DENND4C: variants seen among roughly 807,000 people sequenced by gnomAD.
The protein encoded by DENND4C is DENN domain-containing protein 4C.
DENND4C carries 108 observed loss-of-function variants against 203.0 expected under a neutral mutation model. The observed-to-expected ratio is 0.53, with a 90% confidence interval of 0.46 to 0.62. The LOEUF (loss-of-function observed/expected upper bound fraction) is 0.62, where lower values mean the gene tolerates loss of function less well. Among genes scored for constraint, DENND4C ranks in the 20% least tolerant of loss-of-function variants. DENND4C has a pLI of 0.00. For synonymous variants in DENND4C, 871 were observed against 792.4 expected (o/e 1.10, Z -1.67); for missense variants, 2,481 against 2,301.2 (o/e 1.08, Z -1.60).
intron 10 of DENND4C, among the ~76,000 whole-genome samples, chr9:19,314,578 T>C (rs930162907): frequency 6.6e-6 from 1 of 151,958 alleles, no homozygotes; most frequent in Non-Finnish European, 1.5e-5. Flanking sequence ...TAAAAAACAT[T>C]GACATATTTT....
intron 1 of DENND4C, among the ~76,000 whole-genome samples, chr9:19,234,237 A>AT (rs928884517): frequency 3.9e-4 from 58 of 147,326 alleles, no homozygotes; most frequent in African/African-American, 1.1e-3. Flanking sequence ...ATTTTTATTA[A>AT]TTTTTTTTTT....
At chr9:19,286,703 T>C (rs1835284119) in intron 2 of DENND4C, 66 bp from the exon 3 acceptor site, 5 of 1,170,906 alleles carry the variant, frequency 4.3e-6, no homozygotes, top group African/African-American at 1.6e-5. Flanking sequence ...ATGTACTATA[T>C]ATATGTACAT....
At chr9:19,272,081 C>G (rs1831812826) in intron 1 of DENND4C, among the ~76,000 whole-genome samples, 1 of 151,856 alleles carries the variant, frequency 6.6e-6, no homozygotes, top group South Asian at 2.1e-4. Context: ...GGTATGAAAT[C>G]ATTACAGTGG....
chr9:19,231,857 C>T (rs1038523357), intron 1 of DENND4C, among the ~76,000 whole-genome samples: 6 of 151,682 alleles, frequency 4.0e-5, no homozygotes, highest in Non-Finnish European at 5.9e-5. Context: ...AGGCGTTCTT[C>T]CTAGGCCCTA....
At chr9:19,286,034 AAC>A (rs1312969376) in intron 2 of DENND4C, among the ~76,000 whole-genome samples, 1 of 152,208 alleles carries the variant, frequency 6.6e-6, no homozygotes, top group Non-Finnish European at 1.5e-5. Flanking sequence ...GACAAGAAAA[AAC>A]AAAAGCAGCT....
In DENND4C at chr9:19,326,132, T is replaced by C. The variant is rs1006538986; in HGVS notation, c.2058T>C (p.Thr686=). The stretch of plus-strand genomic sequence containing the variant: ...ATGATTCACAGAAAAGTGAGCATAC[T>C]GTATTTATAATGCCGCCAGAGCCAC... ...ELDDSQKSEH[T]VFIMPPEPPP... Residue 686 remains threonine (T), a synonymous_variant, in exon 15 of 33, where the codon ACT becomes ACC. Transcript: ENST00000434457. The C allele has an allele frequency of 3.7e-6, 6 of 1,613,464 alleles. No individual in the cohort carries two copies. Among genetic ancestry groups the C allele is most frequent in the Admixed American group, 1.7e-5 (1 of 59,966 alleles).
In DENND4C at chr9:19,319,341, T is replaced by C. The variant is rs796854316; in HGVS notation, c.1807+2502T>C. 1.8e-3 allele frequency among the ~76,000 whole-genome samples: 73 copies of C among 39,592 alleles called. 1 individual carries two copies. In the South Asian group the frequency reaches 0.031, roughly 17 times the overall value. 26.0% of individuals were successfully genotyped at this position (39,592 alleles called of 152,430 possible). Reference sequence around the variant, plus strand: ...ACATATATATACATATATATACACATATATATATACTTATATATACACACA... The same window carrying C: ...ACATATATATACATATATATACACACATATATATACTTATATATACACACA... On this transcript the variant is annotated intron_variant, in intron 12 of 32. Coordinates refer to ENST00000434457, the MANE Select transcript of DENND4C (RefSeq NM_001330640.2).
At position 19,356,993 on chromosome 9, in the gene DENND4C, C is replaced by G. The variant is rs754930455; in HGVS notation, c.4803C>G (p.Thr1601=). The change falls in exon 27 of 33, where the codon ACC becomes ACG. Residue 1601 remains threonine, a synonymous_variant. Coordinates refer to ENST00000434457, the MANE Select transcript of DENND4C (RefSeq NM_001330640.2). ...GTAGCTTTTTCCTGAAACCAAGTAC[C>G]TCTGGTGACAGTTTACAAAGTGGAA... is the stretch of plus-strand genomic sequence containing the variant. The part of the protein sequence containing the change: ...GSASFFLKPS[T]SGDSLQSGSI... 1 of 1,613,644 alleles carries G rather than the reference C, an allele frequency of 6.2e-7. No individual in the cohort carries two copies. Among genetic ancestry groups the G allele is most frequent in the South Asian group, 1.1e-5 (1 of 91,052 alleles).
chr9:19,284,149 A>G (rs573617699), intron 2 of DENND4C, among the ~76,000 whole-genome samples: 4 of 152,324 alleles, frequency 2.6e-5, no homozygotes, highest in Non-Finnish European at 4.4e-5. Context: ...TGCTAAGCTA[A>G]TTGAAAGGAA....
intron 1 of DENND4C, among the ~76,000 whole-genome samples, chr9:19,262,063 G>T (rs1362828477): frequency 3.0e-5 from 4 of 133,344 alleles, no homozygotes; most frequent in African/African-American, 1.1e-4. Context: ...AAACTTTAGT[G>T]AATTTATTAG....
rs367786634 is a variant in DENND4C at position 19,332,084 on chromosome 9, C to A, written c.2360C>A (p.Pro787Gln). 2 of 1,613,834 alleles carry A rather than the reference C, an allele frequency of 1.2e-6. No homozygotes were observed. Among genetic ancestry groups the A allele is most frequent in the African/African-American group, 1.3e-5 (1 of 74,876 alleles). The change falls in exon 17 of 33, where the codon CCG becomes CAG. Residue 787 changes from proline (P) to glutamine (Q), a missense_variant. Around this residue, in one of 3 missense-constraint regions of DENND4C, gnomAD observed 2,289 missense variants for 2,113.3 expected, o/e 1.08. Coordinates refer to ENST00000434457, the MANE Select transcript of DENND4C (RefSeq NM_001330640.2). ...HCYSLWFICLPAYVRVSHPKV... is the reference protein window; with the variant it reads ...HCYSLWFICLQAYVRVSHPKV... Reference sequence around the variant, plus strand: ...TACAGTTTATGGTTTATTTGTCTTCCGGCCTATGTTAGAGTTTCTCATCCT... The same window carrying A: ...TACAGTTTATGGTTTATTTGTCTTCAGGCCTATGTTAGAGTTTCTCATCCT...
Position 19,286,894 on chromosome 9 carries a change from G to T in DENND4C, c.431G>T (p.Arg144Leu). Residue 144 changes from arginine to leucine, a missense_variant, in exon 3 of 33, where the codon CGA (arginine) becomes CTA (leucine). Arg to Leu is a moderately radical substitution (Grantham distance 102). Around this residue, in one of 3 missense-constraint regions of DENND4C, gnomAD observed 187 missense variants for 167.4 expected, o/e 1.12. Transcript: ENST00000434457. Reference sequence around the variant, plus strand: ...TCACAAAGAATCTTTATCACTTATCGAAGGGCTCCTCCAGTTCGACCCCAG... The same window carrying T: ...TCACAAAGAATCTTTATCACTTATCTAAGGGCTCCTCCAGTTCGACCCCAG... Reference protein sequence around the residue: ...TTSQRIFITYRRAPPVRPQNS... With the variant: ...TTSQRIFITYLRAPPVRPQNS... The T allele has an allele frequency of 8.1e-7, 1 of 1,231,990 alleles. No individual in the cohort carries two copies. Among genetic ancestry groups the T allele is most frequent in the Non-Finnish European group, 1.0e-6 (1 of 987,944 alleles). The allele number at this position is 1,231,990 out of a possible 1,614,324, so 76.3% of individuals were successfully genotyped here.
intron 23 of DENND4C, 98 bp downstream of exon 23, chr9:19,347,184 G>T: frequency 4.8e-6 from 6 of 1,239,654 alleles, no homozygotes; most frequent in Non-Finnish European, 5.5e-6. Flanking sequence ...TCTGTGCCCA[G>T]GCTGGAGTAC....
rs117913990 is a variant in DENND4C, at chr9:19,367,461, C to T, written c.5525-2376C>T. On this transcript the variant is annotated intron_variant, in intron 30 of 32. Coordinates refer to ENST00000434457, the MANE Select transcript of DENND4C (RefSeq NM_001330640.2). ...ATCAGTCTATGAATTGAGGGCTGAG[C>T]GCAGTGGCGCACGCCTGTAATCCCA... Among the ~76,000 whole-genome samples, 20 of 152,354 alleles carry T rather than the reference C, an allele frequency of 1.3e-4. No homozygotes were observed. The East Asian group carries it at 2.7e-3, about 21-fold the overall frequency.
At chr9:19,293,676 T>G (rs4475595) in intron 5 of DENND4C, among the ~76,000 whole-genome samples, 1 of 152,090 alleles carries the variant, frequency 6.6e-6, no homozygotes, top group Non-Finnish European at 1.5e-5. Flanking sequence ...ACAAAATACA[T>G]AAAAGCACAA....
chr9:19,286,656 T>A, intron 2 of DENND4C, 113 bp from the exon 3 acceptor site: 1 of 1,079,704 alleles, frequency 9.3e-7, no homozygotes, highest in Non-Finnish European at 1.2e-6. Flanking sequence ...AAATTTTCTT[T>A]GATTTCAAGA....
chr9:19,355,578 A>T (rs557085810), intron 26 of DENND4C, among the ~76,000 whole-genome samples: 14 of 152,210 alleles, frequency 9.2e-5, no homozygotes, highest in African/African-American at 3.1e-4. Flanking sequence ...CACCTTTATC[A>T]TATTTCAGTT....
intron 20 of DENND4C, among the ~76,000 whole-genome samples, chr9:19,338,634 A>G (rs1248787333): frequency 6.6e-6 from 1 of 152,150 alleles, no homozygotes. Context: ...ATCTCGTGGA[A>G]TCTTTCCACT....
chr9:19,231,110 G>A (rs1820423363), intron 1 of DENND4C, among the ~76,000 whole-genome samples: 1 of 152,226 alleles, frequency 6.6e-6, no homozygotes, highest in South Asian at 2.1e-4. Context: ...GTCGCCCGCC[G>A]GGCCCATGAG....
Sources: allele counts gnomAD v4.1 joint callset (sites outside exome capture counted in the v4.1 genomes callset), GRCh38; gene constraint gnomAD v4.1.1; regional missense constraint gnomAD v4.1.1; transcripts MANE v1.5; gene names NCBI Gene and HGNC (gene_info 2026-07-23, HGNC 2026-07-21).